The following NID1 variants were observed in gnomAD, a reference collection of about 807,000 sequenced individuals.
NID1 encodes the protein nidogen-1.
Under a neutral mutation model 130.6 loss-of-function variants are expected in NID1, and 76 were observed. That is an observed-to-expected ratio of 0.58 (90% CI 0.48 to 0.70). NID1 has a LOEUF of 0.70. NID1 is among the 30% of genes least tolerant of loss of function. The probability of loss-of-function intolerance (pLI) is 0.00; values close to 1 mark genes in which losing one functional copy is unlikely to be tolerated. For missense variants in NID1, 1,517 were observed against 1,664.8 expected (o/e 0.91, Z 1.54); for synonymous variants, 665 against 675.1 (o/e 0.98, Z 0.23).
chr1:236,035,822 A>T (rs35788378), intron 5 of NID1, among the ~76,000 whole-genome samples: 32,481 of 152,144 alleles, frequency 0.21, 3,787 homozygotes, highest in Non-Finnish European at 0.27. Context: ...TCCGGGGAAC[A>T]CTGTGAAGTT....
chr1:236,003,804 A>G (rs940972737), intron 12 of NID1, among the ~76,000 whole-genome samples: 21 of 152,160 alleles, frequency 1.4e-4, no homozygotes, highest in Non-Finnish European at 2.8e-4. Flanking sequence ...CGGGAGGTGG[A>G]GGCTGCAGTG....
chr1:236,026,165 G>T (rs777123873), intron 7 of NID1, 24 bp from the exon 8 acceptor site: 21 of 1,610,242 alleles, frequency 1.3e-5, no homozygotes, highest in Non-Finnish European at 1.5e-5. Flanking sequence ...AGGATGGAGG[G>T]GACAAGGCAG....
intron 5 of NID1, among the ~76,000 whole-genome samples, chr1:236,036,662 A>G (rs1186472916): frequency 6.6e-6 from 1 of 152,246 alleles, no homozygotes; most frequent in Non-Finnish European, 1.5e-5. Context: ...TGATTGGGTC[A>G]TGAGGGCTCT....
intron 2 of NID1, among the ~76,000 whole-genome samples, chr1:236,047,221 G>A (rs1659628054): frequency 6.6e-6 from 1 of 152,190 alleles, no homozygotes; most frequent in South Asian, 2.1e-4. Flanking sequence ...GGGAGATATA[G>A]TTTTAGCATT....
intron 13 of NID1, 65 bp from the exon 14 acceptor site, chr1:235,991,123 A>T: frequency 7.6e-7 from 1 of 1,312,208 alleles, no homozygotes; most frequent in Non-Finnish European, 1.0e-6. Context: ...ATGCACACAC[A>T]CACACCCCCA....
intron 9 of NID1, among the ~76,000 whole-genome samples, chr1:236,019,064 T>C (rs1658681902): frequency 6.6e-6 from 1 of 152,242 alleles, no homozygotes; most frequent in South Asian, 2.1e-4. Flanking sequence ...ATTATACTGA[T>C]ATGTGCGTGT....
rs141886564 is a variant in NID1 at position 236,012,375 on chromosome 1, G to A, written c.2405-332C>T. On this transcript the variant is annotated intron_variant, in intron 11 of 19. Transcript: ENST00000264187. ...AGTTCAAGACCAGCCTGGCCAACAC[G>A]GTGAAACCCTGTTTCTACTAAAAAT... Among the ~76,000 whole-genome samples the A allele has an allele frequency of 2.5e-3, 380 of 152,096 alleles. 1 individual carries two copies. Among genetic ancestry groups the A allele is most frequent in the African/African-American group, 8.3e-3 (345 of 41,474 alleles).
At chr1:236,046,039 C>T (rs1347908483) in intron 2 of NID1, among the ~76,000 whole-genome samples, 1 of 152,200 alleles carries the variant, frequency 6.6e-6, no homozygotes, top group East Asian at 1.9e-4. Flanking sequence ...TGGCTGTTAA[C>T]ATATTCAACC....
At chr1:236,028,133 C>T (rs546228466) in intron 7 of NID1, among the ~76,000 whole-genome samples, 2 of 152,174 alleles carry the variant, frequency 1.3e-5, no homozygotes, top group Admixed American at 1.3e-4. Flanking sequence ...GCAACCCAAG[C>T]TTTAGAAAGT....
At chr1:236,055,264 A>T in intron 1 of NID1, among the ~76,000 whole-genome samples, 1 of 151,982 alleles carries the variant, frequency 6.6e-6, no homozygotes, top group Non-Finnish European at 1.5e-5. Context: ...AGACCACACC[A>T]CTGCACTCCA....
intron 2 of NID1, among the ~76,000 whole-genome samples, chr1:236,047,718 A>G (rs758903869): frequency 3.3e-5 from 5 of 151,746 alleles, no homozygotes; most frequent in Admixed American, 1.3e-4. Context: ...CATATTAATA[A>G]TTTCTCTAGT....
At position 236,025,962 on chromosome 1, in the gene NID1, C is replaced by T. The variant is rs146774932; in HGVS notation, c.1918G>A (p.Val640Ile). 60 of 1,611,246 alleles carry T rather than the reference C, an allele frequency of 3.7e-5. No individual in the cohort carries two copies. Among genetic ancestry groups the T allele is most frequent in the African/African-American group, 8.1e-5 (6 of 74,092 alleles). Residue 640 changes from valine (V) to isoleucine (I), a missense_variant, in exon 8 of 20, where the codon GTC becomes ATC. Coordinates refer to ENST00000264187, the MANE Select transcript of NID1 (RefSeq NM_002508.3). ...ATCTTCTCCTCCTGGTTGTACAGGA[C>T]GAACACGCTGTCCACCGAGAGCTGC... ...TQQLSVDSVF[V>I]LYNQEEKILR... is the part of the protein sequence containing the mutation.
In NID1 at chr1:235,980,495, C is replaced by T. The variant is rs730882225; in HGVS notation, c.3385+1G>A. ...CTGGACAGTGTCCAGCTTTCCATCACCTGCATCCACCCAGCAGAGCTGAGA... is the reference window on the plus strand; with the variant it reads ...CTGGACAGTGTCCAGCTTTCCATCATCTGCATCCACCCAGCAGAGCTGAGA... On this transcript the variant is annotated splice_donor_variant, in intron 17 of 19. Coordinates refer to ENST00000264187, the MANE Select transcript of NID1 (RefSeq NM_002508.3). LOFTEE classifies it high-confidence loss of function. 1.2e-6 allele frequency: 2 copies of T among 1,614,058 alleles called. No homozygotes were observed. The highest frequency in any genetic ancestry group is 8.5e-7 in the Non-Finnish European group (1 of 1,179,958).
chr1:236,034,778 G>C (rs1659204552), intron 5 of NID1, among the ~76,000 whole-genome samples: 1 of 151,984 alleles, frequency 6.6e-6, no homozygotes. Context: ...ACTTTAAAAA[G>C]GTATGTGAAT....
intron 1 of NID1, among the ~76,000 whole-genome samples, chr1:236,049,229 T>A (rs1416218404): frequency 6.6e-6 from 1 of 151,908 alleles, no homozygotes; most frequent in Non-Finnish European, 1.5e-5. Flanking sequence ...AAAAAGGGAG[T>A]AATCACTCCC....
intron 3 of NID1, among the ~76,000 whole-genome samples, chr1:236,043,196 G>A (rs1462173356): frequency 6.6e-6 from 1 of 152,092 alleles, no homozygotes; most frequent in African/African-American, 2.4e-5. Flanking sequence ...GCATTTTTCT[G>A]TGTTATGTGA....
rs144823270 is a variant in NID1 at position 236,059,961 on chromosome 1, G to A, written c.225+4894C>T. On this transcript the variant is annotated intron_variant, in intron 1 of 19. Coordinates refer to ENST00000264187, the MANE Select transcript of NID1 (RefSeq NM_002508.3). ...CTAAAAATACAAAAATTAGCTGGGC[G>A]TGTTGGCATGTGCCTGTAGTCCCAG... Among the ~76,000 whole-genome samples, 1,124 of 152,194 alleles carry A rather than the reference G, an allele frequency of 7.4e-3. 14 individuals carry two copies. The highest frequency in any genetic ancestry group is 0.025 in the African/African-American group (1,036 of 41,538).
chr1:236,038,641 T>G (rs1396742330), intron 4 of NID1, among the ~76,000 whole-genome samples: 1 of 150,092 alleles, frequency 6.7e-6, no homozygotes, highest in Non-Finnish European at 1.5e-5. Context: ...GGGGGGACTC[T>G]TAAAATATAT....
At chr1:235,981,038 T>C (rs1657421992) in intron 16 of NID1, among the ~76,000 whole-genome samples, 1 of 152,152 alleles carries the variant, frequency 6.6e-6, no homozygotes, top group Non-Finnish European at 1.5e-5. Context: ...AAGAAGCAGA[T>C]GTTGGCAGGG....
Sources: allele counts gnomAD v4.1 joint callset (sites outside exome capture counted in the v4.1 genomes callset), GRCh38; gene constraint gnomAD v4.1.1; transcripts MANE v1.5; gene names NCBI Gene and HGNC (gene_info 2026-07-23, HGNC 2026-07-21).